NUP214: variants seen among roughly 807,000 people sequenced by gnomAD.
NUP214 encodes the protein nucleoporin 214, also known as nuclear pore complex protein Nup214.
Under a neutral mutation model 196.2 loss-of-function variants are expected in NUP214, and 79 were observed. The observed-to-expected ratio is 0.40, with a 90% confidence interval of 0.34 to 0.49. The LOEUF (loss-of-function observed/expected upper bound fraction) is 0.49, where lower values mean the gene tolerates loss of function less well. Among genes scored for constraint, NUP214 ranks in the 20% least tolerant of loss-of-function variants. NUP214 has a pLI of 0.58. For missense variants in NUP214, 2,468 were observed against 2,539.0 expected (o/e 0.97, Z 0.60); for synonymous variants, 1,020 against 990.5 (o/e 1.03, Z -0.56).
intron 23 of NUP214, among the ~76,000 whole-genome samples, 170 bp from the exon 24 acceptor site, chr9:131,178,141 G>C (rs1255850971): frequency 6.6e-6 from 1 of 152,264 alleles, no homozygotes; most frequent in South Asian, 2.1e-4. Flanking sequence ...GAGTAGGCCA[G>C]GTGTTCCTTT....
chr9:131,222,700 G>A, intron 31 of NUP214, 78 bp from the exon 32 acceptor site: 1 of 1,508,098 alleles, frequency 6.6e-7, no homozygotes. Context: ...ACACCCAACT[G>A]AGACTTTTTC....
rs1168368892 is a variant in NUP214 at position 131,146,107 on chromosome 9, C to T, written c.1770-22C>T. 6.2e-7 allele frequency: 1 copy of T among 1,613,002 alleles called. No individual in the cohort carries two copies. Among genetic ancestry groups the T allele is most frequent in the South Asian group, 1.1e-5 (1 of 91,026 alleles). ...AATCTTCTAGCAGGCTCTTCTGAGG[C>T]CTTCAGGCTGCCATTTTTCAGGTTT... On this transcript the variant is annotated intron_variant, in intron 12 of 35. Transcript: ENST00000359428. The surrounding 1 kb of genome is among the most constrained non-coding windows in gnomAD (Gnocchi z 4.6).
intron 24 of NUP214, among the ~76,000 whole-genome samples, chr9:131,184,335 C>CTT (rs544235064): frequency 3.7e-4 from 35 of 93,676 alleles, no homozygotes; most frequent in Admixed American, 6.6e-4. Context: ...CGGCCTCTCT[C>CTT]TTTTTTTTTT....
At chr9:131,163,450 A>G (rs562570994) in intron 19 of NUP214, 10 of 443,546 alleles carry the variant, frequency 2.3e-5, no homozygotes, top group East Asian at 2.0e-4. Context: ...GTGATACACC[A>G]TAGTAACAGT....
intron 31 of NUP214, among the ~76,000 whole-genome samples, chr9:131,216,910 C>T (rs539465413): frequency 4.4e-4 from 50 of 112,930 alleles, no homozygotes; most frequent in South Asian, 2.9e-4. Context: ...GCTGCTCAGG[C>T]GGAAGCTGAG....
Position 131,187,304 on chromosome 9 carries a change from C to T in NUP214, c.3435C>T (p.Tyr1145=), listed in dbSNP as rs1311409689. The T allele has an allele frequency of 6.2e-7, 1 of 1,613,698 alleles. No individual in the cohort carries two copies. ...TGTTTTTCAGTTCTTCAGTGCCCTA[C>T]TCCACAGCCAAAACACCTCACCCAG... ...PSTAMGSSVP[Y]STAKTPHPVL... The change falls in exon 25 of 36, where the codon TAC becomes TAT. Residue 1145 remains tyrosine, a synonymous_variant. Transcript: ENST00000359428.
At position 131,139,385 on chromosome 9, in the gene NUP214, A is replaced by G. The variant is rs144444662; in HGVS notation, c.1110A>G (p.Thr370=). 1.8e-5 allele frequency: 29 copies of G among 1,607,244 alleles called. No homozygotes were observed. In the African/African-American group the frequency reaches 3.8e-4, roughly 21 times the overall value. The stretch of plus-strand genomic sequence containing the variant: ...CCATGGGAGTTGTCGTAGACTATAC[A>G]AACCAAGTGGAAATCACCATCAGTA... ...SLPMGVVVDY[T]NQVEITISDE... Residue 370 remains threonine, a synonymous_variant, in exon 10 of 36, where the codon ACA becomes ACG. Transcript: ENST00000359428.
chr9:131,149,106 T>C (rs1262375918), intron 14 of NUP214, among the ~76,000 whole-genome samples: 2 of 151,900 alleles, frequency 1.3e-5, no homozygotes, highest in Non-Finnish European at 2.9e-5. Context: ...GCCCTGAGAA[T>C]AAGCGTTATG....
chr9:131,157,793 G>A (rs1190858896), intron 17 of NUP214, among the ~76,000 whole-genome samples: 15 of 151,824 alleles, frequency 9.9e-5, no homozygotes, highest in African/African-American at 2.9e-4. Context: ...TTACAGGCGC[G>A]CGCCACCACA....
chr9:131,218,849 C>T (rs974826714), intron 31 of NUP214, among the ~76,000 whole-genome samples: 5 of 152,126 alleles, frequency 3.3e-5, no homozygotes, highest in African/African-American at 7.2e-5. Context: ...GTACTCAGTT[C>T]CCCAGCACAT....
intron 24 of NUP214, among the ~76,000 whole-genome samples, chr9:131,183,637 A>G (rs1028627319): frequency 1.3e-5 from 2 of 152,194 alleles, no homozygotes; most frequent in Admixed American, 6.5e-5. Flanking sequence ...AAAGAATTCT[A>G]GATTGGCAGT....
At chr9:131,159,037 T>TAA (rs1259619243) in intron 17 of NUP214, 1 of 176,568 alleles carries the variant, frequency 5.7e-6, no homozygotes, top group East Asian at 1.6e-4. Flanking sequence ...CTGGCCAATT[T>TAA]TGTTTTTCAT....
At chr9:131,136,074 T>G in intron 9 of NUP214, 68 bp downstream of exon 9, 2 of 1,317,944 alleles carry the variant, frequency 1.5e-6, no homozygotes, top group Non-Finnish European at 2.2e-6. Flanking sequence ...ACAGTCTCGC[T>G]CTGTTGTCCA....
chr9:131,174,734 A>G (rs1588146901), intron 22 of NUP214, among the ~76,000 whole-genome samples: 1 of 152,038 alleles, frequency 6.6e-6, no homozygotes, highest in African/African-American at 2.4e-5. Context: ...GATTACAGGC[A>G]TGAGCCACTG....
intron 17 of NUP214, chr9:131,159,153 G>T (rs1313282683): frequency 3.8e-6 from 2 of 521,068 alleles, no homozygotes; most frequent in East Asian, 6.7e-5. Flanking sequence ...GCTTCAAGCA[G>T]TCCTCCTGCC....
intron 27 of NUP214, among the ~76,000 whole-genome samples, chr9:131,193,515 T>G (rs375296085): frequency 6.6e-6 from 1 of 151,652 alleles, no homozygotes; most frequent in South Asian, 2.1e-4. Flanking sequence ...GTTTTATGCT[T>G]CCCAAAGGTA....
intron 31 of NUP214, among the ~76,000 whole-genome samples, chr9:131,216,984 GT>G (rs1047266618): frequency 2.2e-4 from 33 of 152,302 alleles, no homozygotes; most frequent in African/African-American, 6.3e-4. Context: ...CCTACATGAA[GT>G]TTCTCTCATC....
At chr9:131,229,966 T>C in intron 33 of NUP214, 2 of 343,796 alleles carry the variant, frequency 5.8e-6, no homozygotes, top group Non-Finnish European at 1.1e-5. Context: ...CCAGAAGCTC[T>C]CCCCAACCCA....
intron 32 of NUP214, among the ~76,000 whole-genome samples, chr9:131,224,223 A>T (rs1428059127): frequency 6.6e-6 from 1 of 152,162 alleles, no homozygotes; most frequent in African/African-American, 2.4e-5. Flanking sequence ...TTTTATAATC[A>T]TGTATGATGT....
Sources: gnomAD v4.1 joint callset for allele counts (sites outside exome capture counted in the v4.1 genomes callset) on GRCh38, gnomAD v4.1.1 for gene constraint, Gnocchi (gnomAD v3.1) non-coding constraint, MANE v1.5 for transcripts, NCBI Gene and HGNC (gene_info 2026-07-23, HGNC 2026-07-21) for gene names.